SDK1: variants seen among roughly 807,000 people sequenced by gnomAD.
SDK1 encodes the protein sidekick cell adhesion molecule 1.
In SDK1, 157 loss-of-function variants were observed where a neutral mutation model predicts 245.5. The ratio of observed to expected loss-of-function variants is 0.64; its 90% CI spans 0.56 to 0.73. The LOEUF (loss-of-function observed/expected upper bound fraction) is 0.73. Among genes scored for constraint, SDK1 ranks in the 30% least tolerant of loss-of-function variants. The probability of loss-of-function intolerance (pLI) is 0.00; values close to 1 mark genes in which losing one functional copy is unlikely to be tolerated. For missense variants in SDK1, 3,583 were observed against 3,002.3 expected (o/e 1.19, Z -4.52); for synonymous variants, 1,647 against 1,278.5 (o/e 1.29, Z -6.15).
chr7:3,889,769 A>T (rs1022561650), intron 5 of SDK1, among the ~76,000 whole-genome samples: 11 of 152,092 alleles, frequency 7.2e-5, no homozygotes, highest in African/African-American at 2.7e-4. Flanking sequence ...CGACCTCCCA[A>T]AGTGCTGGGA....
chr7:3,950,326 C>T (rs1780752509), intron 5 of SDK1, among the ~76,000 whole-genome samples: 1 of 152,154 alleles, frequency 6.6e-6, no homozygotes, highest in Non-Finnish European at 1.5e-5. Flanking sequence ...ATTAGCGTGA[C>T]TCTGACAATA....
intron 2 of SDK1, among the ~76,000 whole-genome samples, chr7:3,638,567 A>T (rs1209627125): frequency 1.4e-5 from 2 of 143,474 alleles, no homozygotes; most frequent in African/African-American, 5.2e-5. Flanking sequence ...TCTCACTCAT[A>T]GGTGGGAATT....
At chr7:4,107,082 TCTC>T (rs1393301785) in intron 22 of SDK1, among the ~76,000 whole-genome samples, 2 of 141,404 alleles carry the variant, frequency 1.4e-5, no homozygotes, top group African/African-American at 5.2e-5. Flanking sequence ...CTTGTTTATT[TCTC>T]CCTCAGGCAG....
intron 5 of SDK1, among the ~76,000 whole-genome samples, chr7:3,868,117 A>G (rs965415043): frequency 6.6e-6 from 1 of 152,240 alleles, no homozygotes; most frequent in Non-Finnish European, 1.5e-5. Flanking sequence ...GAAAGTTCAA[A>G]AGAAATGACC....
At chr7:4,144,339 G>C (rs902325331) in intron 28 of SDK1, among the ~76,000 whole-genome samples, 23 of 152,258 alleles carry the variant, frequency 1.5e-4, no homozygotes, top group Non-Finnish European at 8.8e-5. Flanking sequence ...GCAGGGCAGC[G>C]GCTGCGACAG....
chr7:3,434,388 T>G (rs528772001), intron 1 of SDK1, among the ~76,000 whole-genome samples: 2 of 152,356 alleles, frequency 1.3e-5, no homozygotes, highest in East Asian at 3.9e-4. Flanking sequence ...CCCTGTTGTT[T>G]TGAGGCTATG....
intron 1 of SDK1, among the ~76,000 whole-genome samples, chr7:3,327,888 G>A (rs1779973587): frequency 6.6e-6 from 1 of 152,092 alleles, no homozygotes; most frequent in Non-Finnish European, 1.5e-5. Flanking sequence ...GGCACAGAGG[G>A]TGTGTATACC....
chr7:4,167,246 C>A (rs978416929), intron 32 of SDK1, among the ~76,000 whole-genome samples: 1 of 151,966 alleles, frequency 6.6e-6, no homozygotes, highest in Non-Finnish European at 1.5e-5. Flanking sequence ...AAAAATTAGC[C>A]GGGCGTGGTG....
chr7:4,205,567 G>A (rs1348810934), intron 35 of SDK1, among the ~76,000 whole-genome samples: 1 of 152,306 alleles, frequency 6.6e-6, no homozygotes, highest in Middle Eastern at 3.4e-3. Flanking sequence ...TCTGCTAACT[G>A]TATCTCGGTA....
chr7:3,420,242 A>C (rs369703053), intron 1 of SDK1, among the ~76,000 whole-genome samples: 1 of 152,224 alleles, frequency 6.6e-6, no homozygotes, highest in African/African-American at 2.4e-5. Flanking sequence ...TTTCCCATTT[A>C]TTTTTGGCTT....
chr7:4,079,629 T>C lies in SDK1; in HGVS notation c.3324+45T>C. 2.5e-6 allele frequency: 4 copies of C among 1,607,600 alleles called. No individual in the cohort carries two copies. The South Asian group carries it at 3.3e-5, about 13-fold the overall frequency. On this transcript the variant is annotated intron_variant, in intron 22 of 44. Transcript: ENST00000404826. ...GGGAGCTGGCATTTGCGAAGAGCAG[T>C]GTTGGGGCCTGTGAATGAGTGGTAC...
intron 5 of SDK1, among the ~76,000 whole-genome samples, chr7:3,885,661 T>C (rs777084266): frequency 6.0e-5 from 9 of 151,002 alleles, no homozygotes; most frequent in Non-Finnish European, 1.5e-5. Flanking sequence ...GTGGTATCAA[T>C]TATCATATCT....
At chr7:3,528,510 TG>T (rs1783228958) in intron 1 of SDK1, among the ~76,000 whole-genome samples, 1 of 152,016 alleles carries the variant, frequency 6.6e-6, no homozygotes. Context: ...TGAGTAGGGT[TG>T]GGCTGTAAGC....
intron 4 of SDK1, among the ~76,000 whole-genome samples, chr7:3,682,172 CTG>C (rs945176861): frequency 6.6e-6 from 1 of 152,194 alleles, no homozygotes; most frequent in Non-Finnish European, 1.5e-5. Context: ...CTCTACCACT[CTG>C]TGAGATGATA....
chr7:3,796,523 C>A (rs540243761), intron 4 of SDK1, among the ~76,000 whole-genome samples: 1 of 152,158 alleles, frequency 6.6e-6, no homozygotes. Flanking sequence ...CCCCTCTCCC[C>A]CCCAGCCTAC....
chr7:3,839,789 T>C (rs749932099), intron 5 of SDK1, among the ~76,000 whole-genome samples: 9 of 152,230 alleles, frequency 5.9e-5, no homozygotes, highest in Non-Finnish European at 1.2e-4. Context: ...TGAATAGCAA[T>C]TATGATGGAT....
At chr7:3,966,568 A>T (rs1337562067) in intron 9 of SDK1, among the ~76,000 whole-genome samples, 3 of 152,114 alleles carry the variant, frequency 2.0e-5, no homozygotes, top group Admixed American at 2.0e-4. Context: ...CCTCCCAGAA[A>T]TGTATCTTTA....
At chr7:4,189,811 C>G (rs555165856) in intron 35 of SDK1, among the ~76,000 whole-genome samples, 1 of 152,304 alleles carries the variant, frequency 6.6e-6, no homozygotes, top group South Asian at 2.1e-4. Flanking sequence ...AAAATAAAAT[C>G]AGTTGGTGGC....
intron 5 of SDK1, among the ~76,000 whole-genome samples, chr7:3,843,988 T>TGAGA (rs1780218601): frequency 6.6e-6 from 1 of 152,220 alleles, no homozygotes; most frequent in Non-Finnish European, 1.5e-5. Flanking sequence ...TATTTATTTA[T>TGAGA]TAGACAGAGT....
Sources: allele counts gnomAD v4.1 joint callset (sites outside exome capture counted in the v4.1 genomes callset), GRCh38; gene constraint gnomAD v4.1.1; transcripts MANE v1.5; gene names NCBI Gene and HGNC (gene_info 2026-07-23, HGNC 2026-07-21).